The following RBM33 variants were observed in gnomAD, a reference collection of about 807,000 sequenced individuals.
The protein encoded by RBM33 is RNA-binding protein 33.
Under a neutral mutation model 132.6 loss-of-function variants are expected in RBM33, and 28 were observed. That is an observed-to-expected ratio of 0.21 (90% CI 0.16 to 0.29). The LOEUF (loss-of-function observed/expected upper bound fraction) is 0.29. RBM33 is among the 10% of genes least tolerant of loss of function. The pLI, the probability that RBM33 is intolerant of heterozygous loss-of-function variation, is 1.00. For synonymous variants in RBM33, 634 were observed against 593.0 expected (o/e 1.07, Z -1.01); for missense variants, 1,291 against 1,518.5 (o/e 0.85, Z 2.49).
intron 14 of RBM33, among the ~76,000 whole-genome samples, chr7:155,752,412 T>A (rs1001936151): frequency 6.6e-6 from 1 of 152,246 alleles, no homozygotes. Context: ...GGAAGTAATT[T>A]TTGCTATTTT....
intron 5 of RBM33, among the ~76,000 whole-genome samples, chr7:155,687,604 T>C (rs2116934598): frequency 6.6e-6 from 1 of 152,294 alleles, no homozygotes; most frequent in South Asian, 2.1e-4. Flanking sequence ...GTTTTTATGG[T>C]TTTAGGTCTA....
intron 5 of RBM33, among the ~76,000 whole-genome samples, chr7:155,682,567 C>T (rs138052647): frequency 5.3e-5 from 8 of 152,298 alleles, no homozygotes; most frequent in Admixed American, 2.0e-4. Context: ...ATTGGCTAAT[C>T]GTCCTGGGTT....
intron 5 of RBM33, among the ~76,000 whole-genome samples, chr7:155,693,849 A>G (rs986040922): frequency 1.3e-5 from 2 of 152,086 alleles, no homozygotes; most frequent in African/African-American, 4.8e-5. Context: ...CAACTTTTGT[A>G]GGATTTGGTT....
At chr7:155,649,473 T>C (rs1322416869) in intron 1 of RBM33, among the ~76,000 whole-genome samples, 1 of 152,236 alleles carries the variant, frequency 6.6e-6, no homozygotes, top group Non-Finnish European at 1.5e-5. Flanking sequence ...CTAATTTATG[T>C]TAGTCAATTC....
At chr7:155,741,237 GCT>G (rs1489628974) in intron 12 of RBM33, among the ~76,000 whole-genome samples, 1 of 148,050 alleles carries the variant, frequency 6.8e-6, no homozygotes. Context: ...CCCCCTTCCA[GCT>G]CTCTCGTGTT....
At chr7:155,723,260 G>C (rs1372625769) in intron 9 of RBM33, among the ~76,000 whole-genome samples, 2 of 152,178 alleles carry the variant, frequency 1.3e-5, no homozygotes, top group African/African-American at 4.8e-5. Flanking sequence ...TTCCATCCAG[G>C]AAAGAACGTC....
chr7:155,714,669 G>C (rs1004190459), intron 8 of RBM33, among the ~76,000 whole-genome samples: 1 of 152,164 alleles, frequency 6.6e-6, no homozygotes, highest in Non-Finnish European at 1.5e-5. Flanking sequence ...CCACTCAGAG[G>C]GGCCATTAGA....
Position 155,739,967 on chromosome 7 carries a change from G to T in RBM33, c.1990G>T (p.Ala664Ser), listed in dbSNP as rs557148117. The change falls in exon 12 of 18, where the codon GCT (alanine) becomes TCT (serine). Residue 664 changes from alanine (A) to serine (S), a missense_variant. Around this residue, in one of 7 missense-constraint regions of RBM33, gnomAD observed 841 missense variants for 912.0 expected, o/e 0.92. Coordinates refer to ENST00000401878, the MANE Select transcript of RBM33 (RefSeq NM_053043.3). ...QPQFRPHVQT[A>S]QPQASSSRMQ... ...ACAGTTCCGGCCTCACGTACAGACC[G>T]CTCAGCCTCAGGCCAGCAGCAGCCG... 3 of 1,563,830 alleles carry T rather than the reference G, an allele frequency of 1.9e-6. No individual in the cohort carries two copies. Among genetic ancestry groups the T allele is most frequent in the East Asian group, 2.4e-5 (1 of 42,198 alleles).
intron 1 of RBM33, among the ~76,000 whole-genome samples, chr7:155,649,697 C>G (rs142366760): frequency 4.3e-4 from 65 of 152,238 alleles, no homozygotes; most frequent in Non-Finnish European, 7.8e-4. Context: ...GACTCTATTC[C>G]TTGTCTCCTG....
intron 5 of RBM33, among the ~76,000 whole-genome samples, chr7:155,700,151 C>T (rs919463431): frequency 1.3e-4 from 20 of 152,004 alleles, no homozygotes; most frequent in African/African-American, 3.4e-4. Context: ...TTTAGTGTGA[C>T]GACATGACTG....
intron 8 of RBM33, 78 bp from the exon 9 acceptor site, chr7:155,718,307 T>C (rs1328580022): frequency 1.8e-6 from 2 of 1,115,938 alleles, no homozygotes; most frequent in Non-Finnish European, 2.8e-6. Flanking sequence ...ATATTTTATA[T>C]TAAACTTCAT....
At chr7:155,748,855 T>C (rs1801603336) in intron 14 of RBM33, among the ~76,000 whole-genome samples, 1 of 152,224 alleles carries the variant, frequency 6.6e-6, no homozygotes, top group South Asian at 2.1e-4. Flanking sequence ...GTATTGTTTC[T>C]TACACGATTG....
At chr7:155,662,437 T>C (rs572208686) in intron 1 of RBM33, among the ~76,000 whole-genome samples, 4 of 152,224 alleles carry the variant, frequency 2.6e-5, no homozygotes, top group African/African-American at 4.8e-5. Context: ...CTCACTGTTT[T>C]TGGGAGCACT....
intron 14 of RBM33, among the ~76,000 whole-genome samples, chr7:155,753,823 C>G (rs1801762011): frequency 6.6e-6 from 1 of 152,198 alleles, no homozygotes; most frequent in African/African-American, 2.4e-5. Flanking sequence ...TGGAGTTTGA[C>G]CTCATTTGTT....
At chr7:155,673,940 G>GTTGTTGTTTGCTTTTTTTTTTTTTT in intron 3 of RBM33, among the ~76,000 whole-genome samples, 1 of 54,214 alleles carries the variant, frequency 1.8e-5, no homozygotes, top group Non-Finnish European at 3.2e-5. Context: ...TTTAGGCTTA[G>GTTGTTGTTTGCTTTTTTTTTTTTTT]TTTTTTTTTT....
At chr7:155,751,984 A>C (rs1447977957) in intron 14 of RBM33, among the ~76,000 whole-genome samples, 46 of 152,162 alleles carry the variant, frequency 3.0e-4, no homozygotes, top group Non-Finnish European at 7.4e-5. Flanking sequence ...TATTTATGTC[A>C]GTGTGGGTGT....
chr7:155,684,839 A>G (rs374690190), intron 5 of RBM33: 69 of 1,375,586 alleles, frequency 5.0e-5, no homozygotes, highest in South Asian at 2.9e-4. Flanking sequence ...ACTTTCTACA[A>G]TTATTAAGCA....
intron 5 of RBM33, among the ~76,000 whole-genome samples, chr7:155,685,914 A>AAAAGGG (rs1799464258): frequency 6.6e-6 from 1 of 152,214 alleles, no homozygotes; most frequent in Non-Finnish European, 1.5e-5. Flanking sequence ...AGTCCAGAAA[A>AAAAGGG]CATTTACTTT....
chr7:155,679,436 C>T (rs1252473569), intron 4 of RBM33, among the ~76,000 whole-genome samples: 1 of 152,086 alleles, frequency 6.6e-6, no homozygotes, highest in Non-Finnish European at 1.5e-5. Context: ...CTACTTTAGA[C>T]TCTAGTTGAC....
Sources: gnomAD v4.1 joint callset for allele counts (sites outside exome capture counted in the v4.1 genomes callset) on GRCh38, gnomAD v4.1.1 for gene constraint, gnomAD v4.1.1 regional missense constraint, MANE v1.5 for transcripts, NCBI Gene and HGNC (gene_info 2026-07-23, HGNC 2026-07-21) for gene names.